The following AFAP1L2 variants were observed in gnomAD, a reference collection of about 807,000 sequenced individuals.
The protein encoded by AFAP1L2 is actin filament associated protein 1 like 2, also known as actin filament-associated protein 1-like 2.
In AFAP1L2, 46 loss-of-function variants were observed where a neutral mutation model predicts 99.3. The observed-to-expected ratio is 0.46, with a 90% confidence interval of 0.37 to 0.59. The LOEUF (loss-of-function observed/expected upper bound fraction) is 0.59, where lower values mean the gene tolerates loss of function less well. Ranked by LOEUF, AFAP1L2 falls within the 20% of genes least tolerant of loss-of-function variation. The pLI, the probability that AFAP1L2 is intolerant of heterozygous loss-of-function variation, is 0.00. For synonymous variants in AFAP1L2, 397 were observed against 419.1 expected, an observed-to-expected ratio of 0.95 and a Z score of 0.64; for missense variants, 959 against 1,034.9, an observed-to-expected ratio of 0.93 and a Z score of 1.01.
chr10:114,309,975 T>A (rs937024810), intron 8 of AFAP1L2, among the ~76,000 whole-genome samples: 4 of 152,246 alleles, frequency 2.6e-5, no homozygotes, highest in Admixed American at 6.5e-5. Flanking sequence ...TCACCCAGGC[T>A]GGAGTGCACT....
At chr10:114,313,498 A>T (rs1466470682) in intron 7 of AFAP1L2, among the ~76,000 whole-genome samples, 1 of 152,144 alleles carries the variant, frequency 6.6e-6, no homozygotes, top group African/African-American at 2.4e-5. Flanking sequence ...TGGGGACATG[A>T]ACATTCCCCA....
intron 4 of AFAP1L2, among the ~76,000 whole-genome samples, chr10:114,327,173 A>ATAT (rs1491191152): frequency 2.7e-4 from 5 of 18,698 alleles, no homozygotes; most frequent in African/African-American, 5.7e-4. Context: ...ATATATATAT[A>ATAT]TTTTTTTTTT....
At chr10:114,402,924 C>T (rs372022660) in intron 1 of AFAP1L2, among the ~76,000 whole-genome samples, 1 of 152,274 alleles carries the variant, frequency 6.6e-6, no homozygotes, top group East Asian at 1.9e-4. Context: ...TCCTGTCAGG[C>T]TCAACTCAAG....
At chr10:114,360,501 A>ATAGT (rs1403367501) in intron 1 of AFAP1L2, among the ~76,000 whole-genome samples, 221 of 115,148 alleles carry the variant, frequency 1.9e-3, no homozygotes, top group African/African-American at 6.9e-3. Context: ...AGATAGATAG[A>ATAGT]TAGATAGTTA....
intron 1 of AFAP1L2, among the ~76,000 whole-genome samples, chr10:114,371,015 A>G (rs2054016763): frequency 1.3e-5 from 2 of 152,206 alleles, no homozygotes; most frequent in Non-Finnish European, 2.9e-5. Flanking sequence ...GTCTCTCATG[A>G]CCATGACATC....
At chr10:114,327,350 C>T (rs994712382) in intron 4 of AFAP1L2, among the ~76,000 whole-genome samples, 15 of 150,978 alleles carry the variant, frequency 9.9e-5, no homozygotes, top group Non-Finnish European at 2.1e-4. Flanking sequence ...ACGTGGTTTT[C>T]GCCATGTTGG....
chr10:114,300,486 C>A lies in AFAP1L2; in HGVS notation c.1747G>T (p.Asp583Tyr), dbSNP rs1270305405. 1 of 1,614,122 alleles carries A rather than the reference C, an allele frequency of 6.2e-7. No homozygotes were observed. Among genetic ancestry groups the A allele is most frequent in the South Asian group, 1.1e-5 (1 of 91,080 alleles). ...TCTGGACACTTTATGCAGGGCTCATCTGGGGTGGGACCTGGGCCTGAGTCT... is the reference window on the plus strand; with the variant it reads ...TCTGGACACTTTATGCAGGGCTCATATGGGGTGGGACCTGGGCCTGAGTCT... ...PADSGPGPTP[D>Y]EPCIKCPENL... Residue 583 changes from aspartate (D) to tyrosine (Y), a missense_variant, in exon 14 of 19, where the codon GAT becomes TAT. By Grantham distance (160) the Asp-to-Tyr change is radical. Around this residue, in one of 2 missense-constraint regions of AFAP1L2, gnomAD observed 576 missense variants for 562.1 expected, o/e 1.02. Coordinates refer to ENST00000304129, the MANE Select transcript of AFAP1L2 (RefSeq NM_001001936.3).
intron 2 of AFAP1L2, among the ~76,000 whole-genome samples, chr10:114,338,678 C>T (rs1305620331): frequency 2.0e-5 from 3 of 152,192 alleles, no homozygotes; most frequent in East Asian, 1.9e-4. Flanking sequence ...CAGTACACAT[C>T]GTATGAATCC....
At chr10:114,332,853 T>A (rs1424476269) in intron 3 of AFAP1L2, among the ~76,000 whole-genome samples, 1 of 152,172 alleles carries the variant, frequency 6.6e-6, no homozygotes, top group Non-Finnish European at 1.5e-5. Context: ...TACTTCTCTC[T>A]CCTCTTCCTC....
chr10:114,325,954 G>T (rs1439204722), intron 4 of AFAP1L2: 3 of 1,289,240 alleles, frequency 2.3e-6, no homozygotes, highest in Non-Finnish European at 3.0e-6. Flanking sequence ...TCCAGCTCCA[G>T]CCTCCAAGAA....
At chr10:114,373,724 G>T (rs1001008119) in intron 1 of AFAP1L2, among the ~76,000 whole-genome samples, 1 of 152,150 alleles carries the variant, frequency 6.6e-6, no homozygotes, top group Non-Finnish European at 1.5e-5. Flanking sequence ...TTCCCCAAAA[G>T]GAGGACACTG....
intron 9 of AFAP1L2, 45 bp from the exon 10 acceptor site, chr10:114,307,954 C>T: frequency 2.6e-6 from 4 of 1,536,134 alleles, no homozygotes; most frequent in Non-Finnish European, 3.6e-6. Context: ...ACGTGGTCCA[C>T]CCACGTGCCC....
intron 1 of AFAP1L2, among the ~76,000 whole-genome samples, chr10:114,378,150 T>C (rs1469760767): frequency 6.6e-6 from 1 of 152,228 alleles, no homozygotes; most frequent in Non-Finnish European, 1.5e-5. Flanking sequence ...GATTCTTCTT[T>C]ACCTTATCCA....
At chr10:114,382,754 C>G (rs1024289163) in intron 1 of AFAP1L2, among the ~76,000 whole-genome samples, 2 of 151,954 alleles carry the variant, frequency 1.3e-5, no homozygotes, top group Admixed American at 6.6e-5. Context: ...TGCCACCACA[C>G]CTGGTTAATT....
intron 1 of AFAP1L2, among the ~76,000 whole-genome samples, chr10:114,370,442 G>T (rs1449541691): frequency 1.3e-5 from 2 of 152,226 alleles, no homozygotes; most frequent in Non-Finnish European, 2.9e-5. Context: ...GGATGTAAGA[G>T]TCTGGGTAAG....
At chr10:114,400,197 G>A (rs537802645) in intron 1 of AFAP1L2, among the ~76,000 whole-genome samples, 3 of 152,212 alleles carry the variant, frequency 2.0e-5, no homozygotes, top group Non-Finnish European at 4.4e-5. Context: ...GAAGAAAACT[G>A]GCACAGCTTC....
intron 10 of AFAP1L2, among the ~76,000 whole-genome samples, chr10:114,305,772 G>T (rs1445741700): frequency 8.6e-6 from 1 of 116,924 alleles, no homozygotes; most frequent in African/African-American, 3.3e-5. Context: ...GACTGGTCGG[G>T]GCTGCAGGAG....
At chr10:114,322,588 C>A (rs1417283363) in intron 5 of AFAP1L2, among the ~76,000 whole-genome samples, 1 of 152,256 alleles carries the variant, frequency 6.6e-6, no homozygotes, top group Non-Finnish European at 1.5e-5. Flanking sequence ...ACTCCCCTGT[C>A]CTGCAGAAGC....
chr10:114,363,297 G>C (rs945091), intron 1 of AFAP1L2: 479,503 of 481,540 alleles, frequency 1, 238,764 homozygotes, highest in East Asian at 1. Flanking sequence ...CAGAATTCAC[G>C]ACACACGCTC....
Sources: gnomAD v4.1 joint callset for allele counts (sites outside exome capture counted in the v4.1 genomes callset) on GRCh38, gnomAD v4.1.1 for gene constraint, gnomAD v4.1.1 regional missense constraint, MANE v1.5 for transcripts, NCBI Gene and HGNC (gene_info 2026-07-23, HGNC 2026-07-21) for gene names.